SDK1: variants seen among roughly 807,000 people sequenced by gnomAD.
SDK1 encodes protein sidekick-1.
SDK1 carries 157 observed loss-of-function variants against 245.5 expected under a neutral mutation model. The ratio of observed to expected loss-of-function variants is 0.64; its 90% confidence interval spans 0.56 to 0.73. The LOEUF (loss-of-function observed/expected upper bound fraction) is 0.73, where lower values mean the gene tolerates loss of function less well. Among genes scored for constraint, SDK1 ranks in the 30% least tolerant of loss-of-function variants. The probability of loss-of-function intolerance (pLI) is 0.00; values close to 1 mark genes in which losing one functional copy is unlikely to be tolerated. For missense variants in SDK1, 3,583 were observed against 3,002.3 expected (o/e 1.19, Z -4.52); for synonymous variants, 1,647 against 1,278.5 (o/e 1.29, Z -6.15).
At chr7:3,576,292 G>C (rs552196097) in intron 1 of SDK1, among the ~76,000 whole-genome samples, 1 of 152,148 alleles carries the variant, frequency 6.6e-6, no homozygotes, top group South Asian at 2.1e-4. Flanking sequence ...AGTGCTGACA[G>C]TGGCCACACC....
intron 1 of SDK1, among the ~76,000 whole-genome samples, chr7:3,598,240 A>G (rs1781131821): frequency 6.6e-6 from 1 of 152,048 alleles, no homozygotes; most frequent in African/African-American, 2.4e-5. Context: ...TTATTTATAT[A>G]TTTCCATTTG....
intron 4 of SDK1, among the ~76,000 whole-genome samples, chr7:3,804,477 A>G (rs1441569402): frequency 2.0e-5 from 3 of 152,138 alleles, no homozygotes; most frequent in African/African-American, 7.2e-5. Context: ...ACCACACTGG[A>G]TATAGCTGTA....
chr7:3,925,272 T>TA (rs1779729544), intron 5 of SDK1, among the ~76,000 whole-genome samples: 1 of 152,170 alleles, frequency 6.6e-6, no homozygotes, highest in South Asian at 2.1e-4. Flanking sequence ...TTTGATAAGC[T>TA]GAGAACTCTT....
chr7:3,578,855 A>G (rs1403661785), intron 1 of SDK1, among the ~76,000 whole-genome samples: 1 of 151,906 alleles, frequency 6.6e-6, no homozygotes, highest in Non-Finnish European at 1.5e-5. Context: ...TTGTTCAAAC[A>G]CACATGTTTT....
intron 5 of SDK1, among the ~76,000 whole-genome samples, chr7:3,908,385 C>T (rs1333903759): frequency 1.3e-5 from 2 of 152,214 alleles, no homozygotes; most frequent in African/African-American, 2.4e-5. Context: ...TTCCCCACCA[C>T]GAACCTCGTG....
chr7:3,392,968 T>TC (rs1781797838), intron 1 of SDK1, among the ~76,000 whole-genome samples: 1 of 134,020 alleles, frequency 7.5e-6, no homozygotes, highest in South Asian at 2.5e-4. Flanking sequence ...TAAATTTTTT[T>TC]TTTTTTTTTT....
intron 1 of SDK1, among the ~76,000 whole-genome samples, chr7:3,341,460 T>C (rs371764114): frequency 6.6e-6 from 1 of 152,290 alleles, no homozygotes; most frequent in Admixed American, 6.5e-5. Context: ...GGATGTTCAG[T>C]CTTACCTTTG....
chr7:4,062,448 T>C (rs1204082067), intron 19 of SDK1, among the ~76,000 whole-genome samples: 4 of 152,112 alleles, frequency 2.6e-5, no homozygotes, highest in Non-Finnish European at 5.9e-5. Flanking sequence ...TAATGGGTAA[T>C]GAGATTGAGT....
chr7:4,189,302 C>T (rs984568013), intron 35 of SDK1, among the ~76,000 whole-genome samples: 1 of 152,094 alleles, frequency 6.6e-6, no homozygotes, highest in Non-Finnish European at 1.5e-5. Flanking sequence ...ATGGCTCGTC[C>T]CTGCTCTGCC....
At chr7:3,697,833 C>T (rs1458667267) in intron 4 of SDK1, among the ~76,000 whole-genome samples, 4 of 152,148 alleles carry the variant, frequency 2.6e-5, no homozygotes, top group African/African-American at 7.2e-5. Flanking sequence ...TTAAAAGAGG[C>T]CTCTTAACTC....
At chr7:3,316,692 C>T (rs774507214) in intron 1 of SDK1, among the ~76,000 whole-genome samples, 32 of 151,998 alleles carry the variant, frequency 2.1e-4, no homozygotes, top group Non-Finnish European at 4.4e-4. Flanking sequence ...ATTTTTCTGC[C>T]ATGTCATCTC....
intron 5 of SDK1, among the ~76,000 whole-genome samples, chr7:3,868,356 G>A (rs904404988): frequency 7.2e-5 from 11 of 152,148 alleles, no homozygotes; most frequent in African/African-American, 2.7e-4. Context: ...CCATCAAGCG[G>A]ACCCTTGATA....
At chr7:3,346,691 G>A (rs1195937701) in intron 1 of SDK1, among the ~76,000 whole-genome samples, 2 of 135,876 alleles carry the variant, frequency 1.5e-5, no homozygotes, top group African/African-American at 5.8e-5. Flanking sequence ...GTGTGTGTGT[G>A]TATGTGTGTT....
At chr7:4,081,480 C>T (rs138978060) in intron 22 of SDK1, among the ~76,000 whole-genome samples, 2,640 of 151,538 alleles carry the variant, frequency 0.017, 32 homozygotes, top group Non-Finnish European at 0.026. Flanking sequence ...AGTGCAGTGG[C>T]GCCTTCTCAG....
At position 3,701,924 on chromosome 7, in the gene SDK1, CAAAAAAA is replaced by C. The variant is rs58687135; in HGVS notation, c.713+59834_713+59840del. Among the ~76,000 whole-genome samples the C allele has an allele frequency of 6.6e-3, 569 of 85,726 alleles. 9 individuals are homozygous for C. Among genetic ancestry groups the C allele is most frequent in the African/African-American group, 0.018 (486 of 27,756 alleles). 56.2% of individuals were successfully genotyped at this position (85,726 alleles called of 152,430 possible). On this transcript the variant is annotated intron_variant, in intron 4 of 44. Transcript: ENST00000404826. ...GCTAGAGTGGTTGGACGTGCATAAG[CAAAAAAA>C]AAAAAAAAAAAAAAGAAAAAAGAAA...
chr7:3,356,505 C>G (rs1043788801), intron 1 of SDK1, among the ~76,000 whole-genome samples: 2 of 152,102 alleles, frequency 1.3e-5, no homozygotes, highest in African/African-American at 4.8e-5. Flanking sequence ...GATCTAAGAC[C>G]TCCTCCTTTA....
intron 11 of SDK1, 134 bp from the exon 12 acceptor site, chr7:3,971,332 A>G (rs1007471804): frequency 1.0e-5 from 7 of 667,130 alleles, no homozygotes; most frequent in Admixed American, 2.2e-5. Flanking sequence ...AGAGTGATCC[A>G]TTTACACTCA....
intron 4 of SDK1, among the ~76,000 whole-genome samples, chr7:3,665,292 C>T (rs376031106): frequency 6.6e-6 from 1 of 152,166 alleles, no homozygotes; most frequent in Non-Finnish European, 1.5e-5. Context: ...TATATTTTCC[C>T]GTGGCCTCAC....
rs1782498268 is a variant in SDK1 at position 3,971,670 on chromosome 7, C to T, written c.1817+102C>T. 11 of 842,488 alleles carry T rather than the reference C, an allele frequency of 1.3e-5. No homozygotes were observed. The South Asian group carries it at 1.5e-4, about 11-fold the overall frequency. The allele number at this position is 842,488 out of a possible 1,614,324, so 52.2% of individuals were successfully genotyped here. A position where few individuals can be genotyped will look rare whatever the true frequency, so the allele number is the denominator to read the frequency against. Reference sequence around the variant, plus strand: ...GAAGAATTGGGGGAACTTTTGATTTCAGCAGCAGGTCCCTGATTACGGTAT... The same window carrying T: ...GAAGAATTGGGGGAACTTTTGATTTTAGCAGCAGGTCCCTGATTACGGTAT... On this transcript the variant is annotated intron_variant, in intron 12 of 44. Coordinates refer to ENST00000404826, the MANE Select transcript of SDK1 (RefSeq NM_152744.4).
Sources: allele counts gnomAD v4.1 joint callset (sites outside exome capture counted in the v4.1 genomes callset), GRCh38; gene constraint gnomAD v4.1.1; transcripts MANE v1.5; gene names NCBI Gene and HGNC (gene_info 2026-07-23, HGNC 2026-07-21).